Variants in MDGA2 observed in about 807,000 individuals in gnomAD.
MDGA2 encodes MAM domain containing glycosylphosphatidylinositol anchor 2.
In MDGA2, 40 loss-of-function variants were observed where a neutral mutation model predicts 117.8. The observed-to-expected ratio is 0.34, with a 90% CI of 0.26 to 0.44. The LOEUF is 0.44. Ranked by LOEUF, MDGA2 falls within the 20% of genes least tolerant of loss-of-function variation. The pLI is 1.00. For missense variants in MDGA2, 1,123 were observed against 1,250.6 expected (o/e 0.90, Z 1.54); for synonymous variants, 452 against 439.0 (o/e 1.03, Z -0.37).
intron 2 of MDGA2, among the ~76,000 whole-genome samples, chr14:47,286,277 T>C (rs962501346): frequency 1.1e-4 from 16 of 152,068 alleles, no homozygotes; most frequent in Non-Finnish European, 1.9e-4. Flanking sequence ...GAAAAATTTA[T>C]TGTGAACAAT....
chr14:46,876,351 A>C (rs989670399), intron 12 of MDGA2, among the ~76,000 whole-genome samples: 5 of 151,640 alleles, frequency 3.3e-5, no homozygotes, highest in African/African-American at 1.2e-4. Context: ...GTGCAAATAC[A>C]TTTATTCATT....
intron 8 of MDGA2, among the ~76,000 whole-genome samples, chr14:47,033,589 C>T (rs1888738044): frequency 1.3e-5 from 2 of 152,260 alleles, no homozygotes; most frequent in South Asian, 2.1e-4. Flanking sequence ...TACCCATGAA[C>T]AGACTGTCAT....
intron 3 of MDGA2, among the ~76,000 whole-genome samples, chr14:47,205,019 C>G (rs1885631969): frequency 6.6e-6 from 1 of 151,868 alleles, no homozygotes; most frequent in East Asian, 1.9e-4. Context: ...ATCATTCACA[C>G]ATATACTAGC....
chr14:47,356,065 C>T (rs1890987296), intron 1 of MDGA2, among the ~76,000 whole-genome samples: 1 of 152,156 alleles, frequency 6.6e-6, no homozygotes, highest in Non-Finnish European at 1.5e-5. Flanking sequence ...TGGACAAGGC[C>T]TGGCCAAATG....
chr14:47,351,857 G>A (rs987483602), intron 1 of MDGA2, among the ~76,000 whole-genome samples: 1 of 151,178 alleles, frequency 6.6e-6, no homozygotes, highest in South Asian at 2.1e-4. Flanking sequence ...ATCTTCAGCA[G>A]AATTTCATTC....
intron 1 of MDGA2, among the ~76,000 whole-genome samples, chr14:47,544,768 A>G (rs1206359446): frequency 6.6e-6 from 1 of 152,174 alleles, no homozygotes. Context: ...TCTGTACTAG[A>G]TAATACAAAG....
At chr14:47,159,571 C>T (rs1237123729) in intron 3 of MDGA2, among the ~76,000 whole-genome samples, 1 of 152,168 alleles carries the variant, frequency 6.6e-6, no homozygotes, top group African/African-American at 2.4e-5. Context: ...ATGTACATTT[C>T]ACCACAAGCA....
At chr14:47,053,452 TCC>T (rs1889527890) in intron 7 of MDGA2, among the ~76,000 whole-genome samples, 1 of 151,510 alleles carries the variant, frequency 6.6e-6, no homozygotes, top group African/African-American at 2.4e-5. Context: ...CAAACATACA[TCC>T]TTTATGTGAC....
chr14:47,575,197 C>T (rs190122149), intron 1 of MDGA2, among the ~76,000 whole-genome samples: 104 of 151,934 alleles, frequency 6.8e-4, no homozygotes, highest in Non-Finnish European at 1.2e-3. Flanking sequence ...CTGTAGTAAA[C>T]GAAATAATGG....
At chr14:47,146,704 T>C (rs1882958757) in intron 3 of MDGA2, among the ~76,000 whole-genome samples, 1 of 152,198 alleles carries the variant, frequency 6.6e-6, no homozygotes, top group Admixed American at 6.5e-5. Flanking sequence ...GTATGTGTTG[T>C]AAAAATTAAA....
intron 1 of MDGA2, among the ~76,000 whole-genome samples, chr14:47,326,704 C>A (rs566471217): frequency 2.7e-4 from 41 of 151,708 alleles, no homozygotes; most frequent in African/African-American, 8.9e-4. Flanking sequence ...CACACACACA[C>A]ACAATTGTAT....
chr14:47,471,861 C>T (rs983687432), intron 1 of MDGA2, among the ~76,000 whole-genome samples: 6 of 151,952 alleles, frequency 3.9e-5, no homozygotes, highest in Non-Finnish European at 8.8e-5. Context: ...GCTGAAAAAT[C>T]GTTTATATCA....
rs529333410 is a variant in MDGA2 at position 47,093,729 on chromosome 14, T to C, written c.1195+3125A>G. Among the ~76,000 whole-genome samples the C allele has an allele frequency of 6.6e-4, 101 of 152,284 alleles. 1 individual carries two copies. The highest frequency in any genetic ancestry group is 2.4e-3 in the African/African-American group (98 of 41,570). ...GTTATCTCCATTATTTACTTTACAC[T>C]CTTCTCTATTTTTAAAAAAGTAGAA... On this transcript the variant is annotated intron_variant, in intron 6 of 16. Coordinates refer to ENST00000399232, the MANE Select transcript of MDGA2 (RefSeq NM_001113498.3).
chr14:47,609,479 A>T (rs1467385470), intron 1 of MDGA2, among the ~76,000 whole-genome samples: 1 of 109,740 alleles, frequency 9.1e-6, no homozygotes, highest in African/African-American at 3.3e-5. Context: ...TTCTTTATCT[A>T]CTTGTTGATT....
chr14:47,221,161 C>A (rs931914007), intron 2 of MDGA2, among the ~76,000 whole-genome samples: 2 of 151,916 alleles, frequency 1.3e-5, no homozygotes, highest in African/African-American at 2.4e-5. Context: ...TTGTAATAAC[C>A]TAGCAAAACC....
intron 2 of MDGA2, among the ~76,000 whole-genome samples, chr14:47,257,187 G>T (rs1887649167): frequency 6.6e-6 from 1 of 152,046 alleles, no homozygotes; most frequent in Non-Finnish European, 1.5e-5. Context: ...CATTTCAATA[G>T]ACACCATGGC....
At chr14:47,133,464 A>T (rs1882307631) in intron 4 of MDGA2, among the ~76,000 whole-genome samples, 1 of 151,912 alleles carries the variant, frequency 6.6e-6, no homozygotes, top group African/African-American at 2.4e-5. Context: ...CAATACGACT[A>T]GTGTTATTCC....
intron 1 of MDGA2, among the ~76,000 whole-genome samples, chr14:47,604,402 A>C (rs1390698225): frequency 1.5e-4 from 23 of 151,762 alleles, no homozygotes; most frequent in Admixed American, 1.5e-3. Flanking sequence ...CTGCAGCCTT[A>C]AACTGCTGGA....
At chr14:47,078,585 T>C (rs1463053356) in intron 6 of MDGA2, among the ~76,000 whole-genome samples, 5 of 152,166 alleles carry the variant, frequency 3.3e-5, no homozygotes, top group Non-Finnish European at 7.4e-5. Flanking sequence ...GTTTTTTCCT[T>C]CTCAAATTTG....
Sources: gnomAD v4.1 joint callset for allele counts (sites outside exome capture counted in the v4.1 genomes callset) on GRCh38, gnomAD v4.1.1 for gene constraint, MANE v1.5 for transcripts, NCBI Gene and HGNC (gene_info 2026-07-23, HGNC 2026-07-21) for gene names.